Variants in INPP5F observed in about 807,000 individuals in gnomAD.
The protein encoded by INPP5F is phosphatidylinositide 4-phosphatase SAC2.
INPP5F carries 97 observed loss-of-function variants against 137.2 expected under a neutral mutation model. The ratio of observed to expected loss-of-function variants is 0.71; its 90% confidence interval spans 0.60 to 0.84. The LOEUF is 0.84. Among genes scored for constraint, INPP5F ranks in the 40% least tolerant of loss-of-function variants. The pLI is 0.00. For missense variants in INPP5F, 1,271 were observed against 1,371.9 expected, an observed-to-expected ratio of 0.93 and a Z score of 1.16; for synonymous variants, 504 against 476.9, an observed-to-expected ratio of 1.06 and a Z score of -0.74.
chr10:119,799,754 C>G (rs1850518007), intron 9 of INPP5F, among the ~76,000 whole-genome samples: 1 of 152,034 alleles, frequency 6.6e-6, no homozygotes, highest in African/African-American at 2.4e-5. Context: ...ATACAAAAAT[C>G]AGTTGAGATG....
chr10:119,732,482 T>C (rs958812059), intron 1 of INPP5F, among the ~76,000 whole-genome samples: 4 of 127,274 alleles, frequency 3.1e-5, no homozygotes, highest in Non-Finnish European at 6.9e-5. Context: ...TCTTGAGCAC[T>C]TTTCTTTTTT....
chr10:119,745,575 G>C (rs932202601), intron 1 of INPP5F, among the ~76,000 whole-genome samples: 1 of 87,618 alleles, frequency 1.1e-5, no homozygotes, highest in South Asian at 3.4e-4. Context: ...CTGAAAACAC[G>C]ATTTAACTTT....
At chr10:119,750,906 G>T (rs1848673608) in intron 1 of INPP5F, among the ~76,000 whole-genome samples, 170 bp from the exon 2 acceptor site, 1 of 152,126 alleles carries the variant, frequency 6.6e-6, no homozygotes, top group Non-Finnish European at 1.5e-5. Context: ...CCTTATTCAG[G>T]CCTCACATTT....
chr10:119,786,719 A>T (rs196206), intron 3 of INPP5F, among the ~76,000 whole-genome samples: 1 of 151,358 alleles, frequency 6.6e-6, no homozygotes, highest in African/African-American at 2.4e-5. Flanking sequence ...GGGTCTCACT[A>T]TATTACCCAT....
chr10:119,755,278 G>T (rs1461254392), intron 2 of INPP5F, among the ~76,000 whole-genome samples: 1 of 152,168 alleles, frequency 6.6e-6, no homozygotes, highest in Non-Finnish European at 1.5e-5. Context: ...TGAAATCAAG[G>T]TGTTGGCTGG....
chr10:119,736,498 G>C (rs1372000336), intron 1 of INPP5F, among the ~76,000 whole-genome samples: 5 of 152,130 alleles, frequency 3.3e-5, no homozygotes, highest in Non-Finnish European at 7.4e-5. Flanking sequence ...TAGGTTTCCT[G>C]TACTGGTATT....
chr10:119,756,865 CAAAA>C lies in INPP5F; in HGVS notation c.178+5727_178+5730del, dbSNP rs11415974. Among the ~76,000 whole-genome samples, 55 of 97,310 alleles carry C rather than the reference CAAAA, an allele frequency of 5.7e-4. 1 individual carries two copies. In the South Asian group the frequency reaches 0.018, roughly 33 times the overall value. 63.8% of individuals were successfully genotyped at this position (97,310 alleles called of 152,430 possible). A position where few individuals can be genotyped will look rare whatever the true frequency, so the allele number is the denominator to read the frequency against. On this transcript the variant is annotated intron_variant, in intron 2 of 19. Transcript: ENST00000650623. ...CCTGCCCTTTTAGCAAGCTCTGCCA[CAAAA>C]AAAAAAAAAAAAAAAAAGGTTCTAT...
chr10:119,792,562 T>C (rs1008373826), intron 6 of INPP5F, among the ~76,000 whole-genome samples: 5 of 149,298 alleles, frequency 3.3e-5, no homozygotes, highest in Admixed American at 6.7e-5. Context: ...CCTGAAATGG[T>C]ACCAGTTTTT....
Position 119,823,098 on chromosome 10 carries a change from C to G in INPP5F, c.2060C>G (p.Pro687Arg). 3.7e-6 allele frequency: 6 copies of G among 1,613,430 alleles called. No homozygotes were observed. Among genetic ancestry groups the G allele is most frequent in the Non-Finnish European group, 5.1e-6 (6 of 1,179,770 alleles). The change falls in exon 18 of 20, where the codon CCA (proline) becomes CGA (arginine). Residue 687 changes from proline (P) to arginine (R), a missense_variant. Coordinates refer to ENST00000650623, the MANE Select transcript of INPP5F (RefSeq NM_014937.4). ...CCTGAACCCACTCTTTTTGGTAAGC[C>G]AAAGTTCTCCTGCATGCGACTGCAC... ...IGPEPTLFGK[P>R]KFSCMRLHYR...
intron 1 of INPP5F, among the ~76,000 whole-genome samples, chr10:119,743,692 G>A (rs1848443136): frequency 2.0e-5 from 3 of 152,164 alleles, no homozygotes; most frequent in African/African-American, 7.2e-5. Flanking sequence ...AGCCTATGCA[G>A]GGTCTCACAA....
rs1851822595 is a variant in INPP5F, at chr10:119,827,601, A to G, written c.3220A>G (p.Ile1074Val). The G allele has an allele frequency of 1.2e-6, 2 of 1,614,180 alleles. No individual in the cohort carries two copies. Among genetic ancestry groups the G allele is most frequent in the East Asian group, 4.5e-5 (2 of 44,872 alleles). ...SSRAVSPFAK[I>V]RSSMVQVASI... ...CAGAGCAGTCTCTCCCTTTGCCAAG[A>G]TTCGAAGTTCCATGGTCCAGGTTGC... Residue 1074 changes from isoleucine (I) to valine (V), a missense_variant, in exon 20 of 20, where the codon ATT (isoleucine) becomes GTT (valine). Ile to Val is a conservative substitution (Grantham distance 29, BLOSUM62 3). Around this residue, in one of 6 missense-constraint regions of INPP5F, gnomAD observed 490 missense variants for 443.7 expected, o/e 1.10. Transcript: ENST00000650623.
intron 1 of INPP5F, among the ~76,000 whole-genome samples, chr10:119,728,097 C>A (rs1394088010): frequency 6.6e-6 from 1 of 152,204 alleles, no homozygotes; most frequent in Non-Finnish European, 1.5e-5. Context: ...TGTTCAAAGT[C>A]CATGTCAGAA....
intron 9 of INPP5F, among the ~76,000 whole-genome samples, chr10:119,802,670 G>A (rs373482932): frequency 3.9e-5 from 6 of 151,978 alleles, no homozygotes; most frequent in Non-Finnish European, 5.9e-5. Flanking sequence ...GGAACAGAAC[G>A]CATTTTATAT....
rs879801815 is a variant in INPP5F at position 119,759,395 on chromosome 10, C to CT, written c.178+8250dup. ...TACTGACTTTTAGAGGTAAGATTTA[C>CT]TTTTTTTTTTTGAGACAGAGTCTTG... On this transcript the variant is annotated intron_variant, in intron 2 of 19. Transcript: ENST00000650623. Among the ~76,000 whole-genome samples, 171 of 147,200 alleles carry CT rather than the reference C, an allele frequency of 1.2e-3. 1 individual carries two copies. Among genetic ancestry groups the CT allele is most frequent in the Non-Finnish European group, 1.3e-3 (83 of 66,264 alleles).
At chr10:119,798,786 CT>C (rs374141329) in intron 9 of INPP5F, among the ~76,000 whole-genome samples, 176 bp downstream of exon 9, 1,059 of 100,700 alleles carry the variant, frequency 0.011, 7 homozygotes, top group African/African-American at 0.019. Flanking sequence ...GAGTCAGCTA[CT>C]TTTTTTTTTT....
At chr10:119,780,013 T>C (rs1249941608) in intron 2 of INPP5F, among the ~76,000 whole-genome samples, 1 of 152,184 alleles carries the variant, frequency 6.6e-6, no homozygotes, top group Admixed American at 6.5e-5. Context: ...TTGTATGTTG[T>C]ATACTTTTCT....
intron 7 of INPP5F, 41 bp downstream of exon 7, chr10:119,796,954 C>T (rs202163857): frequency 1.5e-5 from 23 of 1,539,328 alleles, no homozygotes; most frequent in Admixed American, 1.7e-5. Context: ...CAAATCCAGG[C>T]GAGAATGGAA....
intron 15 of INPP5F, chr10:119,818,817 C>G (rs1331054671): frequency 3.3e-5 from 5 of 152,310 alleles, no homozygotes. Context: ...CTGACGATGC[C>G]GCGCTCTCAC....
chr10:119,764,339 G>A (rs568326048), intron 2 of INPP5F, among the ~76,000 whole-genome samples: 27 of 150,184 alleles, frequency 1.8e-4, no homozygotes, highest in Admixed American at 4.0e-4. Flanking sequence ...ATACACAGGC[G>A]TGTGCACACA....
Sources: allele counts gnomAD v4.1 joint callset (sites outside exome capture counted in the v4.1 genomes callset), GRCh38; gene constraint gnomAD v4.1.1; regional missense constraint gnomAD v4.1.1; transcripts MANE v1.5; gene names NCBI Gene and HGNC (gene_info 2026-07-23, HGNC 2026-07-21).